Variants in RIPOR3 observed in about 807,000 individuals in gnomAD.
RIPOR3 encodes family with sequence similarity 65 member C.
In RIPOR3, 95 loss-of-function variants were observed where a neutral mutation model predicts 114.3. That is an observed-to-expected ratio of 0.83 (90% CI 0.70 to 0.99). RIPOR3 has a LOEUF of 0.99. RIPOR3 is among the 50% of genes least tolerant of loss of function. RIPOR3 has a pLI of 0.00. For missense variants in RIPOR3, 1,252 were observed against 1,266.9 expected, an observed-to-expected ratio of 0.99 and a Z score of 0.18; for synonymous variants, 575 against 543.8, an observed-to-expected ratio of 1.06 and a Z score of -0.80.
intron 1 of RIPOR3, among the ~76,000 whole-genome samples, chr20:50,653,684 G>A (rs1040931804): frequency 6.6e-6 from 1 of 151,442 alleles, no homozygotes; most frequent in African/African-American, 2.4e-5. Context: ...TCTGCCTCCC[G>A]GGTTTGAGCA....
intron 1 of RIPOR3, among the ~76,000 whole-genome samples, chr20:50,652,266 C>T (rs1017752373): frequency 6.6e-6 from 1 of 152,130 alleles, no homozygotes; most frequent in African/African-American, 2.4e-5. Context: ...TCCCAGGCTC[C>T]AAACCCTGAG....
At chr20:50,601,403 C>T (rs1011412062) in intron 13 of RIPOR3, among the ~76,000 whole-genome samples, 3 of 152,218 alleles carry the variant, frequency 2.0e-5, no homozygotes, top group African/African-American at 7.2e-5. Flanking sequence ...CGCTACAACT[C>T]TGTTGCCAGC....
At chr20:50,623,724 G>A (rs2084509480) in intron 2 of RIPOR3, among the ~76,000 whole-genome samples, 1 of 152,222 alleles carries the variant, frequency 6.6e-6, no homozygotes, top group African/African-American at 2.4e-5. Flanking sequence ...GGCCTCAGGA[G>A]CCTGGTGAGA....
chr20:50,658,532 A>G (rs13043097), intron 1 of RIPOR3, among the ~76,000 whole-genome samples: 17,733 of 152,098 alleles, frequency 0.12, 1,175 homozygotes, highest in East Asian at 0.2. Context: ...ACAGAGTGAG[A>G]TCCTATCTCT....
At chr20:50,609,101 A>C in intron 8 of RIPOR3, 146 bp from the exon 9 acceptor site, 1 of 1,320,698 alleles carries the variant, frequency 7.6e-7, no homozygotes, top group Non-Finnish European at 1.1e-6. Context: ...ATGATGGAAA[A>C]TGGACAGAGG....
At chr20:50,628,933 A>G (rs1013325743) in intron 2 of RIPOR3, among the ~76,000 whole-genome samples, 16 of 152,122 alleles carry the variant, frequency 1.1e-4, no homozygotes, top group African/African-American at 3.4e-4. Context: ...CCCCGCAGCA[A>G]ATGCCCCTGG....
intron 12 of RIPOR3, among the ~76,000 whole-genome samples, chr20:50,603,766 C>T (rs192776681): frequency 7.2e-5 from 11 of 152,334 alleles, no homozygotes; most frequent in Admixed American, 4.6e-4. Flanking sequence ...TACACGGACA[C>T]GAACCCTTAC....
intron 1 of RIPOR3, among the ~76,000 whole-genome samples, chr20:50,652,438 C>G (rs934813520): frequency 1.3e-5 from 2 of 151,814 alleles, no homozygotes; most frequent in African/African-American, 4.8e-5. Flanking sequence ...TGAAAATACA[C>G]AAATTAGCCA....
chr20:50,668,254 C>A (rs146335430), intron 1 of RIPOR3, among the ~76,000 whole-genome samples: 2 of 152,110 alleles, frequency 1.3e-5, no homozygotes, highest in Non-Finnish European at 2.9e-5. Flanking sequence ...AGGCACCTGG[C>A]CATCTGTATC....
Position 50,618,270 on chromosome 20 carries a change from CAAAAAAAAAAAAAAAAAAA to C in RIPOR3, c.269+1697_269+1715del, listed in dbSNP as rs61215608. On this transcript the variant is annotated intron_variant, in intron 3 of 21. Coordinates refer to ENST00000327979, the MANE Select transcript of RIPOR3 (RefSeq NM_001290268.2). ...TGGGTGACAGAGTGAGACTCCGTCT[CAAAAAAAAAAAAAAAAAAA>C]AAAAAAAAAAAAGGCGTAAGTAGGA... Among the ~76,000 whole-genome samples the C allele has an allele frequency of 1.4e-3, 91 of 67,392 alleles. 1 individual carries two copies. Among genetic ancestry groups the C allele is most frequent in the African/African-American group, 6.2e-3 (87 of 13,964 alleles). 44.2% of individuals were successfully genotyped at this position (67,392 alleles called of 152,430 possible).
At chr20:50,607,913 C>A (rs1055559076) in intron 11 of RIPOR3, among the ~76,000 whole-genome samples, 3 of 152,166 alleles carry the variant, frequency 2.0e-5, no homozygotes, top group Non-Finnish European at 2.9e-5. Flanking sequence ...GCTCTGGAGC[C>A]CTCCACGCTC....
chr20:50,605,393 C>T (rs901702198), intron 11 of RIPOR3, among the ~76,000 whole-genome samples: 1 of 152,134 alleles, frequency 6.6e-6, no homozygotes, highest in East Asian at 1.9e-4. Flanking sequence ...TGAATTCACA[C>T]ACAGATTTTC....
intron 20 of RIPOR3, among the ~76,000 whole-genome samples, chr20:50,588,749 GA>G (rs869194473): frequency 0.14 from 8,374 of 58,432 alleles, 220 homozygotes; most frequent in Non-Finnish European, 0.18. Flanking sequence ...ATTCTCAAGT[GA>G]AAAAAAAAAA....
rs988265758 is a variant in RIPOR3, at chr20:50,672,240, C to T, written c.3+18886G>A. ...CCTCACCAAGGTGAAGCTCTACCTC[C>T]GTCCTCACTTCACCCGCAGCCCGTT... On this transcript the variant is annotated intron_variant, in intron 1 of 21. Coordinates refer to ENST00000327979, the MANE Select transcript of RIPOR3 (RefSeq NM_001290268.2). Among the ~76,000 whole-genome samples, 23 of 152,262 alleles carry T rather than the reference C, an allele frequency of 1.5e-4. No individual in the cohort carries two copies. The East Asian group carries it at 1.5e-3, about 10-fold the overall frequency.
chr20:50,597,747 G>A (rs1160132388), intron 13 of RIPOR3, 37 bp from the exon 14 acceptor site: 5 of 1,603,494 alleles, frequency 3.1e-6, no homozygotes, highest in Admixed American at 1.7e-5. Context: ...GGCAACACCG[G>A]GCCCCACCCA....
At chr20:50,643,689 G>A (rs2085285714) in intron 1 of RIPOR3, among the ~76,000 whole-genome samples, 1 of 144,378 alleles carries the variant, frequency 6.9e-6, no homozygotes, top group Non-Finnish European at 1.5e-5. Flanking sequence ...AAGGCAGGAG[G>A]ATTTCTTTCT....
At chr20:50,657,582 T>G (rs2085854360) in intron 1 of RIPOR3, among the ~76,000 whole-genome samples, 1 of 152,070 alleles carries the variant, frequency 6.6e-6, no homozygotes, top group Non-Finnish European at 1.5e-5. Flanking sequence ...CCAGCTGCAT[T>G]GAGGATTATT....
chr20:50,621,797 C>T lies in RIPOR3; in HGVS notation c.123-1665G>A, dbSNP rs143810026. ...CTTTGCAGTTACATGAGCCAACTGGCTCTCTTTTTTAGCTTAAGCCAGCTG... is the reference window on the plus strand; with the variant it reads ...CTTTGCAGTTACATGAGCCAACTGGTTCTCTTTTTTAGCTTAAGCCAGCTG... On this transcript the variant is annotated intron_variant, in intron 2 of 21. Transcript: ENST00000327979. Among the ~76,000 whole-genome samples the T allele has an allele frequency of 7.5e-3, 1,148 of 152,292 alleles. 18 individuals are homozygous for T. Among genetic ancestry groups the T allele is most frequent in the African/African-American group, 0.026 (1,101 of 41,558 alleles).
At chr20:50,609,907 T>C (rs950046010) in intron 6 of RIPOR3, among the ~76,000 whole-genome samples, 185 bp from the exon 7 acceptor site, 1 of 151,918 alleles carries the variant, frequency 6.6e-6, no homozygotes, top group African/African-American at 2.4e-5. Flanking sequence ...CAGTAGAACA[T>C]GAACCCCCAT....
Sources: allele counts gnomAD v4.1 joint callset (sites outside exome capture counted in the v4.1 genomes callset), GRCh38; gene constraint gnomAD v4.1.1; transcripts MANE v1.5; gene names NCBI Gene and HGNC (gene_info 2026-07-23, HGNC 2026-07-21).